Variants in CEPT1 observed in about 807,000 individuals in gnomAD.
CEPT1 encodes the protein choline/ethanolamine phosphotransferase 1, also known as choline/ethanolaminephosphotransferase 1.
In CEPT1, 7 loss-of-function variants were observed where a neutral mutation model predicts 42.6. The ratio of observed to expected loss-of-function variants is 0.16; its 90% CI spans 0.09 to 0.31. The LOEUF (loss-of-function observed/expected upper bound fraction) is 0.31, where lower values mean the gene tolerates loss of function less well. CEPT1 is among the 10% of genes least tolerant of loss of function. The pLI is 1.00. For synonymous variants in CEPT1, 171 were observed against 171.9 expected, an observed-to-expected ratio of 0.99 and a Z score of 0.04; for missense variants, 306 against 502.1, an observed-to-expected ratio of 0.61 and a Z score of 3.73.
intron 4 of CEPT1, among the ~76,000 whole-genome samples, chr1:111,165,273 C>A (rs1184978321): frequency 6.6e-6 from 1 of 151,714 alleles, no homozygotes; most frequent in African/African-American, 2.4e-5. Flanking sequence ...TGGTCTCCAT[C>A]TCCTGACCTC....
intron 4 of CEPT1, among the ~76,000 whole-genome samples, chr1:111,170,621 G>A (rs1656369628): frequency 6.6e-6 from 1 of 152,142 alleles, no homozygotes. Context: ...TCCACCAACA[G>A]TTCACCCCAC....
chr1:111,164,382 G>C (rs1471051790), intron 4 of CEPT1, among the ~76,000 whole-genome samples: 2 of 152,206 alleles, frequency 1.3e-5, no homozygotes, highest in East Asian at 3.8e-4. Flanking sequence ...AGATCTGACA[G>C]AGATGACTAG....
chr1:111,171,986 C>T (rs1482777553), intron 4 of CEPT1, among the ~76,000 whole-genome samples: 5 of 152,220 alleles, frequency 3.3e-5, no homozygotes, highest in African/African-American at 1.2e-4. Flanking sequence ...ATCCGCCTGC[C>T]TCGGCCTCCC....
At chr1:111,177,988 A>G (rs1369471224) in intron 5 of CEPT1, among the ~76,000 whole-genome samples, 2 of 152,192 alleles carry the variant, frequency 1.3e-5, no homozygotes, top group African/African-American at 2.4e-5. Flanking sequence ...AACAACTCCC[A>G]ATACGGATTC....
chr1:111,151,614 TA>T (rs1479247981), intron 2 of CEPT1, among the ~76,000 whole-genome samples: 1 of 152,234 alleles, frequency 6.6e-6, no homozygotes, highest in Non-Finnish European at 1.5e-5. Context: ...CAGGTTAAGA[TA>T]AAGATTGTGG....
chr1:111,184,426 T>A lies in CEPT1; in HGVS notation c.*116T>A. ...TTTATAATAATCAATGTTGTATAAC[T>A]TTTATTCTTTATTATTGGTAACACG... On this transcript the variant is annotated 3_prime_UTR_variant, in exon 9 of 9. Coordinates refer to ENST00000357172, the MANE Select transcript of CEPT1 (RefSeq NM_006090.5). 1.3e-6 allele frequency: 1 copy of A among 772,600 alleles called. No homozygotes were observed. Among genetic ancestry groups the A allele is most frequent in the South Asian group, 2.4e-5 (1 of 41,802 alleles). The allele number at this position is 772,600 out of a possible 1,614,324, so 47.9% of individuals were successfully genotyped here.
At chr1:111,154,806 T>C (rs1655470848) in intron 2 of CEPT1, among the ~76,000 whole-genome samples, 2 of 152,252 alleles carry the variant, frequency 1.3e-5, no homozygotes, top group African/African-American at 4.8e-5. Context: ...TTGCATATGT[T>C]GGACCATCCT....
intron 1 of CEPT1, among the ~76,000 whole-genome samples, chr1:111,141,305 G>A (rs1253504346): frequency 6.6e-6 from 1 of 152,202 alleles, no homozygotes; most frequent in Non-Finnish European, 1.5e-5. Flanking sequence ...TAAAATTCGA[G>A]ATTGAGGTTC....
chr1:111,182,425 T>C, intron 6 of CEPT1, 107 bp downstream of exon 6: 1 of 1,238,166 alleles, frequency 8.1e-7, no homozygotes, highest in Non-Finnish European at 1.1e-6. Context: ...ATTTATAATT[T>C]ATACTTAGCC....
chr1:111,161,067 A>G (rs1432868218), intron 3 of CEPT1, 88 bp from the exon 4 acceptor site: 3 of 1,350,718 alleles, frequency 2.2e-6, no homozygotes, highest in African/African-American at 2.9e-5. Flanking sequence ...CATTTACAGC[A>G]TATCTTTTTG....
At position 111,180,184 on chromosome 1, in the gene CEPT1, C is replaced by A. The variant is rs181692793; in HGVS notation, c.715-2003C>A. Reference sequence around the variant, plus strand: ...GATGGTACTCATTTAGTACCCTGGCCCTAATACAGGGCTGTCCCTGTAATA... The same window carrying A: ...GATGGTACTCATTTAGTACCCTGGCACTAATACAGGGCTGTCCCTGTAATA... On this transcript the variant is annotated intron_variant, in intron 5 of 8. Coordinates refer to ENST00000357172, the MANE Select transcript of CEPT1 (RefSeq NM_006090.5). The A allele has an allele frequency of 3.9e-5, 6 of 152,220 alleles. No individual in the cohort carries two copies. In the East Asian group the frequency reaches 1.2e-3, roughly 29 times the overall value. 9.4% of individuals were successfully genotyped at this position (152,220 alleles called of 1,614,324 possible).
chr1:111,177,182 T>C (rs1656720603), intron 5 of CEPT1, among the ~76,000 whole-genome samples: 1 of 152,204 alleles, frequency 6.6e-6, no homozygotes, highest in Non-Finnish European at 1.5e-5. Context: ...GGAGAACCTG[T>C]TGTTGGAATG....
At chr1:111,183,706 G>C in intron 8 of CEPT1, 119 bp downstream of exon 8, 1 of 1,069,082 alleles carries the variant, frequency 9.4e-7, no homozygotes, top group South Asian at 1.6e-5. Flanking sequence ...TGGAATGTCA[G>C]AAATCCACAT....
chr1:111,165,500 C>G (rs1656103978), intron 4 of CEPT1, among the ~76,000 whole-genome samples: 1 of 152,112 alleles, frequency 6.6e-6, no homozygotes, highest in Non-Finnish European at 1.5e-5. Context: ...AAATGTTAAT[C>G]TCTAAGTTAT....
intron 4 of CEPT1, among the ~76,000 whole-genome samples, chr1:111,163,270 T>A (rs1238692127): frequency 1.3e-5 from 2 of 152,182 alleles, no homozygotes; most frequent in African/African-American, 4.8e-5. Context: ...TTTCAGAAAT[T>A]CTACATTTGC....
At chr1:111,173,769 A>G (rs868021268) in intron 4 of CEPT1, among the ~76,000 whole-genome samples, 1 of 152,152 alleles carries the variant, frequency 6.6e-6, no homozygotes, top group Non-Finnish European at 1.5e-5. Flanking sequence ...TAAAAGTAGA[A>G]TATTATTTGT....
chr1:111,169,693 A>G (rs1443668263), intron 4 of CEPT1, among the ~76,000 whole-genome samples: 1 of 152,170 alleles, frequency 6.6e-6, no homozygotes, highest in Non-Finnish European at 1.5e-5. Context: ...TGTCAAATAT[A>G]CTTTTTTTAT....
intron 4 of CEPT1, among the ~76,000 whole-genome samples, chr1:111,163,626 G>A (rs1047177191): frequency 6.6e-6 from 1 of 151,118 alleles, no homozygotes; most frequent in Non-Finnish European, 1.5e-5. Context: ...AAGAAATGCA[G>A]GCTAAGTGCT....
chr1:111,159,252 T>G, intron 2 of CEPT1, 128 bp from the exon 3 acceptor site: 1 of 832,648 alleles, frequency 1.2e-6, no homozygotes, highest in Admixed American at 2.7e-5. Flanking sequence ...GAGTTCTTCA[T>G]TATGTAGCAC....
Sources: gnomAD v4.1 joint callset for allele counts (sites outside exome capture counted in the v4.1 genomes callset) on GRCh38, gnomAD v4.1.1 for gene constraint, MANE v1.5 for transcripts, NCBI Gene and HGNC (gene_info 2026-07-23, HGNC 2026-07-21) for gene names.